SRPX2: variants seen among roughly 807,000 people sequenced by gnomAD.
SRPX2 encodes the protein sushi repeat-containing protein SRPX2.
In SRPX2, 26 loss-of-function variants were observed where a neutral mutation model predicts 45.3. The observed-to-expected ratio is 0.57, with a 90% CI of 0.42 to 0.80. The LOEUF (loss-of-function observed/expected upper bound fraction) is 0.80, where lower values mean the gene tolerates loss of function less well. SRPX2 is among the 30% of genes least tolerant of loss of function. SRPX2 has a pLI of 0.00. For missense variants in SRPX2, 355 were observed against 399.8 expected (o/e 0.89, Z 0.95); for synonymous variants, 125 against 143.7 (o/e 0.87, Z 0.93).
intron 4 of SRPX2, among the ~76,000 whole-genome samples, chrX:100,663,967 G>T (rs536623685): frequency 6.4e-4 from 72 of 112,175 alleles, no homozygotes; most frequent in South Asian, 5.3e-3. Context: ...AGTATGCCTG[G>T]AGGAGAAAAG....
rs971924761 is a variant in SRPX2 at position 100,674,292 on chromosome X, C to T, written c.*3305C>T. Reference sequence around the variant, plus strand: ...CTCCTTAGATACCAAATACAAAGGACGAGGGATCAAGCTCAGCGAAAGTAT... The same window carrying T: ...CTCCTTAGATACCAAATACAAAGGATGAGGGATCAAGCTCAGCGAAAGTAT... On this transcript the variant is annotated 3_prime_UTR_variant, in exon 11 of 11. Transcript: ENST00000373004. 2.7e-5 allele frequency: 3 copies of T among 111,972 alleles called. No individual in the cohort carries two copies. Among genetic ancestry groups the T allele is most frequent in the South Asian group, 3.7e-4 (1 of 2,680 alleles). The allele number at this position is 111,972 out of a possible 1,213,427, so 9.2% of individuals were successfully genotyped here. A position where few individuals can be genotyped will look rare whatever the true frequency, so the allele number is the denominator to read the frequency against.
At chrX:100,650,736 T>A (rs775863392) in intron 2 of SRPX2, 49 bp from the exon 3 acceptor site, 4 of 1,125,138 alleles carry the variant, frequency 3.6e-6, no homozygotes, top group Non-Finnish European at 4.9e-6. Flanking sequence ...TGGGAAGGAA[T>A]TGAGTGAGAA....
At position 100,647,532 on chromosome X, in the gene SRPX2, T is replaced by C. The variant is rs1418183381; in HGVS notation, c.82+1128T>C. 5.4e-5 allele frequency among the ~76,000 whole-genome samples: 6 copies of C among 111,786 alleles called. No individual in the cohort carries two copies. The East Asian group carries it at 1.7e-3, about 32-fold the overall frequency. Reference sequence around the variant, plus strand: ...TTGGCAGAGCATATCCTGTTTGGGGTTAAAGGTGCCTCAAGTCTCCAGGAG... The same window carrying C: ...TTGGCAGAGCATATCCTGTTTGGGGCTAAAGGTGCCTCAAGTCTCCAGGAG... On this transcript the variant is annotated intron_variant, in intron 2 of 10. Coordinates refer to ENST00000373004, the MANE Select transcript of SRPX2 (RefSeq NM_014467.3).
chrX:100,665,038 G>A, intron 5 of SRPX2, 88 bp downstream of exon 5: 1 of 1,116,743 alleles, frequency 9.0e-7, no homozygotes, highest in Non-Finnish European at 1.2e-6. Context: ...CACCACAGAA[G>A]GCATTCCTCT....
Position 100,671,087 on chromosome X carries a change from G to A in SRPX2, c.*100G>A, listed in dbSNP as rs192582647. The A allele has an allele frequency of 3.0e-4, 286 of 961,235 alleles. No homozygotes were observed. The African/African-American group carries it at 4.1e-3, about 14-fold the overall frequency. The allele number at this position is 961,235 out of a possible 1,213,427, so 79.2% of individuals were successfully genotyped here. A position where few individuals can be genotyped will look rare whatever the true frequency, so the allele number is the denominator to read the frequency against. ...GGAAATGTTTTCCCACAGTTCTAGG[G>A]ACAGGACTCTGAGGTGGGTGAGTTT... is the stretch of plus-strand genomic sequence containing the variant. On this transcript the variant is annotated 3_prime_UTR_variant, in exon 11 of 11. Coordinates refer to ENST00000373004, the MANE Select transcript of SRPX2 (RefSeq NM_014467.3).
At chrX:100,646,951 G>T (rs1160510309) in intron 2 of SRPX2, among the ~76,000 whole-genome samples, 2 of 111,819 alleles carry the variant, frequency 1.8e-5, no homozygotes, top group Admixed American at 1.9e-4. Context: ...TGGCAATACA[G>T]ATCACATCCT....
chrX:100,669,971 C>G (rs1029932485), intron 10 of SRPX2, among the ~76,000 whole-genome samples: 1 of 109,989 alleles, frequency 9.1e-6, no homozygotes, highest in African/African-American at 3.3e-5. Flanking sequence ...CAGGTTTCGC[C>G]ATATTGGCCA....
rs34012120 is a variant in SRPX2, at chrX:100,671,441, C to CTT, written c.*469_*470dup. On this transcript the variant is annotated 3_prime_UTR_variant, in exon 11 of 11. Coordinates refer to ENST00000373004, the MANE Select transcript of SRPX2 (RefSeq NM_014467.3). Reference sequence around the variant, plus strand: ...GGTGGGTAGCAGGGTACAAAACATCCTTTTTTTTTTTTTTTTGAGACGGAG... The same window carrying CTT: ...GGTGGGTAGCAGGGTACAAAACATCCTTTTTTTTTTTTTTTTTTGAGACGGAG... The CTT allele has an allele frequency of 0.33, 29,225 of 88,296 alleles. 4,556 individuals are homozygous for CTT. Among genetic ancestry groups the CTT allele is most frequent in the Middle Eastern group, 0.44 (58 of 131 alleles). The allele number at this position is 88,296 out of a possible 1,213,427, so 7.3% of individuals were successfully genotyped here.
At chrX:100,657,600 G>C (rs1204257358) in intron 3 of SRPX2, among the ~76,000 whole-genome samples, 1 of 108,980 alleles carries the variant, frequency 9.2e-6, no homozygotes, top group Non-Finnish European at 1.9e-5. Context: ...ATCCGCCTGC[G>C]GAGGCCTCCC....
At chrX:100,657,349 C>CTTTTTTTTTTTTCTTTTTTTTTT (rs2083173089) in intron 3 of SRPX2, among the ~76,000 whole-genome samples, 2 of 28,417 alleles carry the variant, frequency 7.0e-5, no homozygotes, top group African/African-American at 1.0e-4. Context: ...TTATTTATGT[C>CTTTTTTTTTTTTCTTTTTTTTTT]TTTTTTTTTT....
intron 7 of SRPX2, 75 bp from the exon 8 acceptor site, chrX:100,666,679 C>T: frequency 1.7e-6 from 2 of 1,176,719 alleles, no homozygotes; most frequent in Non-Finnish European, 2.3e-6. Context: ...CTAGAAAGCC[C>T]AGCATGGGCA....
intron 2 of SRPX2, among the ~76,000 whole-genome samples, chrX:100,647,713 C>T (rs1287050984): frequency 5.3e-5 from 6 of 112,784 alleles, no homozygotes; most frequent in Non-Finnish European, 1.1e-4. Context: ...ATGCAAAGGT[C>T]TTTACCTTTC....
intron 2 of SRPX2, among the ~76,000 whole-genome samples, chrX:100,648,652 T>C (rs145464732): frequency 1.7e-3 from 194 of 112,499 alleles, no homozygotes; most frequent in African/African-American, 5.7e-3. Flanking sequence ...CAAAGCATAG[T>C]TGGCACTGGT....
chrX:100,659,150 A>G (rs1315117775), intron 3 of SRPX2, among the ~76,000 whole-genome samples: 1 of 112,090 alleles, frequency 8.9e-6, no homozygotes, highest in Non-Finnish European at 1.9e-5. Flanking sequence ...GGAGATCACT[A>G]TTTCTCTGGG....
At chrX:100,668,756 G>A (rs2083213055) in intron 9 of SRPX2, among the ~76,000 whole-genome samples, 1 of 112,041 alleles carries the variant, frequency 8.9e-6, no homozygotes, top group African/African-American at 3.3e-5. Context: ...TAGCCTATTG[G>A]TAAAGAGCAC....
chrX:100,657,492 A>T (rs2083174318), intron 3 of SRPX2, among the ~76,000 whole-genome samples: 1 of 104,288 alleles, frequency 9.6e-6, no homozygotes, highest in African/African-American at 3.5e-5. Flanking sequence ...CTGGGATTAC[A>T]GGTGCCCACC....
chrX:100,668,597 G>A (rs2083212643), intron 9 of SRPX2, among the ~76,000 whole-genome samples: 1 of 111,963 alleles, frequency 8.9e-6, no homozygotes, highest in South Asian at 3.8e-4. Flanking sequence ...TGGCTAGCAG[G>A]TGATCCTGCA....
In SRPX2 at chrX:100,646,345, G is replaced by A. The variant is rs1382205262; in HGVS notation, c.23G>A (p.Arg8Lys). Reference protein sequence around the residue: MASQLTQRGALFLLFFLT... With the variant: MASQLTQKGALFLLFFLT... ...AGGATGGCCAGTCAGCTAACTCAAA[G>A]AGGAGCTCTCTTTCTGCTGTTCTTC... Residue 8 changes from arginine (R) to lysine (K), a missense_variant, in exon 2 of 11, where the codon AGA becomes AAA. Arg to Lys is a conservative substitution (Grantham distance 26). Coordinates refer to ENST00000373004, the MANE Select transcript of SRPX2 (RefSeq NM_014467.3). 1 of 1,211,251 alleles carries A rather than the reference G, an allele frequency of 8.3e-7. No homozygotes were observed. The highest frequency in any genetic ancestry group is 1.7e-5 in the African/African-American group (1 of 57,778).
At chrX:100,661,933 G>GTTTTTT (rs771852530) in intron 3 of SRPX2, among the ~76,000 whole-genome samples, 6 of 59,696 alleles carry the variant, frequency 1.0e-4, no homozygotes, top group Admixed American at 1.9e-4. Flanking sequence ...TCGAGGTGGG[G>GTTTTTT]TTTTTTTTTT....
Sources: allele counts gnomAD v4.1 joint callset (sites outside exome capture counted in the v4.1 genomes callset), GRCh38; gene constraint gnomAD v4.1.1; transcripts MANE v1.5; gene names NCBI Gene and HGNC (gene_info 2026-07-23, HGNC 2026-07-21).